The following ZDHHC20 variants were observed in gnomAD, a reference collection of about 807,000 sequenced individuals.
ZDHHC20 encodes zDHHC palmitoyltransferase 20, also known as palmitoyltransferase ZDHHC20.
A neutral mutation model predicts 57.8 loss-of-function variants in ZDHHC20; 43 were observed. The ratio of observed to expected loss-of-function variants is 0.74; its 90% CI spans 0.58 to 0.96. The LOEUF (loss-of-function observed/expected upper bound fraction) is 0.96, where lower values mean the gene tolerates loss of function less well. Ranked by LOEUF, ZDHHC20 falls within the 40% of genes least tolerant of loss-of-function variation. The pLI, the probability that ZDHHC20 is intolerant of heterozygous loss-of-function variation, is 0.00. For synonymous variants in ZDHHC20, 157 were observed against 153.0 expected, an observed-to-expected ratio of 1.03 and a Z score of -0.19; for missense variants, 391 against 441.1, an observed-to-expected ratio of 0.89 and a Z score of 1.02.
At chr13:21,404,326 T>G (rs1270146419) in intron 4 of ZDHHC20, 1 of 502,846 alleles carries the variant, frequency 2.0e-6, no homozygotes, top group Non-Finnish European at 4.0e-6. Context: ...CTTTCTATTT[T>G]GTAGACTGCA....
chr13:21,445,160 C>G (rs1883562502), intron 1 of ZDHHC20, among the ~76,000 whole-genome samples: 1 of 151,914 alleles, frequency 6.6e-6, no homozygotes, highest in Non-Finnish European at 1.5e-5. Flanking sequence ...ATGCCCCAAA[C>G]ACAAGATTTG....
At chr13:21,398,531 T>G (rs759596443) in intron 7 of ZDHHC20, among the ~76,000 whole-genome samples, 7 of 152,154 alleles carry the variant, frequency 4.6e-5, no homozygotes, top group Non-Finnish European at 1.0e-4. Flanking sequence ...TCATGGAGCT[T>G]AGATTCTGGC....
In ZDHHC20 at chr13:21,400,358, GAA is replaced by G. The variant is rs772913553; in HGVS notation, c.594+13_594+14del. The stretch of plus-strand genomic sequence containing the variant: ...AGTCTTAAATACATGTTTCAAGATA[GAA>G]AAAAAGACTTACCGTCCAAAATTTT... On this transcript the variant is annotated intron_variant, in intron 7 of 12. Transcript: ENST00000400590. The G allele has an allele frequency of 6.4e-7, 1 of 1,569,818 alleles. No individual in the cohort carries two copies. The highest frequency in any genetic ancestry group is 8.6e-7 in the Non-Finnish European group (1 of 1,167,140).
At chr13:21,446,094 G>A (rs979895185) in intron 1 of ZDHHC20, among the ~76,000 whole-genome samples, 4 of 152,236 alleles carry the variant, frequency 2.6e-5, no homozygotes, top group African/African-American at 9.6e-5. Context: ...GCAGGCCACA[G>A]CATCTAGAGC....
chr13:21,379,977 G>A (rs1025780915), intron 11 of ZDHHC20, among the ~76,000 whole-genome samples: 7 of 151,510 alleles, frequency 4.6e-5, no homozygotes, highest in South Asian at 2.1e-4. Flanking sequence ...CACCTCGCCC[G>A]TCTAATTTTT....
intron 10 of ZDHHC20, 119 bp downstream of exon 10, chr13:21,382,801 T>C (rs1056750331): frequency 1.2e-6 from 1 of 804,272 alleles, no homozygotes; most frequent in Non-Finnish European, 1.9e-6. Context: ...AATTTCTCTT[T>C]CCCTAACTAT....
chr13:21,430,513 G>A (rs748564136), intron 1 of ZDHHC20, among the ~76,000 whole-genome samples: 108 of 150,480 alleles, frequency 7.2e-4, no homozygotes, highest in Non-Finnish European at 9.3e-4. Context: ...AGACACAGGA[G>A]GGGGGTCTTG....
intron 4 of ZDHHC20, among the ~76,000 whole-genome samples, chr13:21,403,293 T>C (rs1163598750): frequency 3.9e-5 from 5 of 128,798 alleles, no homozygotes; most frequent in African/African-American, 1.5e-4. Flanking sequence ...AATAGTTTTA[T>C]TAAAAAAAAA....
chr13:21,447,277 GCTCTCCCTCTCC>G (rs1169530125), intron 1 of ZDHHC20, among the ~76,000 whole-genome samples: 34 of 147,830 alleles, frequency 2.3e-4, no homozygotes, highest in Non-Finnish European at 3.3e-4. Context: ...AGATGTGAGC[GCTCTCCCTCTCC>G]CTCTCCCTCT....
chr13:21,457,535 G>A (rs1261676033), intron 1 of ZDHHC20, among the ~76,000 whole-genome samples: 1 of 152,140 alleles, frequency 6.6e-6, no homozygotes, highest in East Asian at 1.9e-4. Context: ...AAAAGCATGA[G>A]ACTAAACAAT....
chr13:21,391,714 C>T lies in ZDHHC20; in HGVS notation c.727+8G>A. 2.5e-6 allele frequency: 4 copies of T among 1,597,004 alleles called. No homozygotes were observed. The highest frequency in any genetic ancestry group is 1.1e-5 in the South Asian group (1 of 87,108). On this transcript the variant is annotated splice_region_variant and intron_variant, in intron 8 of 12. Coordinates refer to ENST00000400590, the MANE Select transcript of ZDHHC20 (RefSeq NM_001330059.2). ...CTAAGTAATTATAATTTATTTTAAC[C>T]TACTTACCTATTGTTGTTCTATTTT...
Position 21,434,861 on chromosome 13 carries a change from G to A in ZDHHC20, c.119-9183C>T, listed in dbSNP as rs1163617712. Among the ~76,000 whole-genome samples, 5 of 151,848 alleles carry A rather than the reference G, an allele frequency of 3.3e-5. No homozygotes were observed. The East Asian group carries it at 9.6e-4, about 29-fold the overall frequency. ...ATCAGCCTTCTATTGATGGGCATCTGTGTTGTCGCCAATCCTTTGCCACTA... is the reference window on the plus strand; with the variant it reads ...ATCAGCCTTCTATTGATGGGCATCTATGTTGTCGCCAATCCTTTGCCACTA... On this transcript the variant is annotated intron_variant, in intron 1 of 12. Transcript: ENST00000400590.
At chr13:21,391,094 G>A (rs187424727) in intron 8 of ZDHHC20, among the ~76,000 whole-genome samples, 105 of 151,670 alleles carry the variant, frequency 6.9e-4, no homozygotes, top group African/African-American at 2.4e-3. Flanking sequence ...GCCCAGGCTG[G>A]AGTGCAATGG....
At position 21,373,453 on chromosome 13, in the gene ZDHHC20, T is replaced by TAATATGTAAA. The variant is rs1244142086; in HGVS notation, c.*3233_*3242dup. 1 of 152,222 alleles carries TAATATGTAAA rather than the reference T, an allele frequency of 6.6e-6. No individual in the cohort carries two copies. Among genetic ancestry groups the TAATATGTAAA allele is most frequent in the Admixed American group, 6.5e-5 (1 of 15,278 alleles). The allele number at this position is 152,222 out of a possible 1,614,324, so 9.4% of individuals were successfully genotyped here. A position where few individuals can be genotyped will look rare whatever the true frequency, so the allele number is the denominator to read the frequency against. On this transcript the variant is annotated 3_prime_UTR_variant, in exon 13 of 13. Transcript: ENST00000400590. ...TCATGACACATTGGATCATAACCACTAATATGTAAAAAGTTTTAAAAAAAT... is the reference window on the plus strand; with the variant it reads ...TCATGACACATTGGATCATAACCACTAATATGTAAAAATATGTAAAAAGTTTTAAAAAAAT...
intron 4 of ZDHHC20, among the ~76,000 whole-genome samples, chr13:21,408,703 A>C (rs1244705619): frequency 1.3e-5 from 2 of 152,156 alleles, no homozygotes; most frequent in Non-Finnish European, 2.9e-5. Flanking sequence ...TTTCAAAGGG[A>C]ATGCTTCCAG....
chr13:21,393,669 A>G (rs1876200361), intron 7 of ZDHHC20, among the ~76,000 whole-genome samples: 2 of 135,796 alleles, frequency 1.5e-5, no homozygotes, highest in Non-Finnish European at 3.1e-5. Flanking sequence ...GCACTGCTGC[A>G]CTCCAGCCTG....
chr13:21,405,218 T>C (rs973875154), intron 4 of ZDHHC20, among the ~76,000 whole-genome samples: 10 of 152,176 alleles, frequency 6.6e-5, no homozygotes, highest in Non-Finnish European at 1.2e-4. Context: ...TACACAAATA[T>C]CTACTTATTA....
chr13:21,459,264 G>A lies in ZDHHC20; in HGVS notation c.-93C>T, dbSNP rs1885200894. On this transcript the variant is annotated 5_prime_UTR_variant, in exon 1 of 13. Coordinates refer to ENST00000400590, the MANE Select transcript of ZDHHC20 (RefSeq NM_001330059.2). ...GACTCGGACGCTCCAGGCGGCTGCT[G>A]GTCCAGCTCCCCCGCCTCCGAGGCA... is the stretch of plus-strand genomic sequence containing the variant. The A allele has an allele frequency of 3.1e-6, 3 of 953,736 alleles. No homozygotes were observed. Among genetic ancestry groups the A allele is most frequent in the Non-Finnish European group, 3.0e-6 (2 of 665,160 alleles). 59.1% of individuals were successfully genotyped at this position (953,736 alleles called of 1,614,324 possible).
chr13:21,432,648 T>C (rs553543999), intron 1 of ZDHHC20, among the ~76,000 whole-genome samples: 1 of 152,256 alleles, frequency 6.6e-6, no homozygotes, highest in African/African-American at 2.4e-5. Flanking sequence ...TTTGTATTTT[T>C]AATAAAGATA....
Sources: gnomAD v4.1 joint callset for allele counts (sites outside exome capture counted in the v4.1 genomes callset) on GRCh38, gnomAD v4.1.1 for gene constraint, MANE v1.5 for transcripts, NCBI Gene and HGNC (gene_info 2026-07-23, HGNC 2026-07-21) for gene names.